The following DNAAF3 variants were observed in gnomAD, a reference collection of about 807,000 sequenced individuals.
DNAAF3 encodes the protein dynein axonemal assembly factor 3.
DNAAF3 carries 40 observed loss-of-function variants against 50.9 expected under a neutral mutation model. That is an observed-to-expected ratio of 0.79 (90% CI 0.61 to 1.02). DNAAF3 has a LOEUF of 1.02. Among genes scored for constraint, DNAAF3 ranks in the 50% least tolerant of loss-of-function variants. DNAAF3 has a pLI of 0.00. For missense variants in DNAAF3, 763 were observed against 744.7 expected, an observed-to-expected ratio of 1.02 and a Z score of -0.29; for synonymous variants, 327 against 322.8, an observed-to-expected ratio of 1.01 and a Z score of -0.14.
chr19:55,159,985 G>A lies in DNAAF3; in HGVS notation c.1077C>T (p.Val359=). 1 of 1,613,356 alleles carries A rather than the reference G, an allele frequency of 6.2e-7. No homozygotes were observed. Among genetic ancestry groups the A allele is most frequent in the Non-Finnish European group, 8.5e-7 (1 of 1,179,756 alleles). ...PAAPTPESFT[V]HFLPLNSAQT... Reference sequence around the variant, plus strand: ...GAGCAGAATTGAGCGGCAGGAAGTGGACGGTGAAAGATTCCGGGGTCGGGG... The same window carrying A: ...GAGCAGAATTGAGCGGCAGGAAGTGAACGGTGAAAGATTCCGGGGTCGGGG... The change falls in exon 10 of 12, where the codon GTC becomes GTT. Residue 359 remains valine (V), a synonymous_variant. Coordinates refer to ENST00000524407, the MANE Select transcript of DNAAF3 (RefSeq NM_001256715.2).
Position 55,160,773 on chromosome 19 carries a change from C to G in DNAAF3, c.915G>C (p.Thr305=). The change falls in exon 9 of 12, where the codon ACG becomes ACC. Residue 305 remains threonine (T), a splice_region_variant and synonymous_variant. Transcript: ENST00000524407. This position sits in a 1 kb window ranked among gnomAD's most constrained non-coding sequence, Gnocchi z 4.7. The stretch of plus-strand genomic sequence containing the variant: ...CGTTGTGTTGAGTGATCTCCCCGGC[C>G]GTCTAACAGTAGAAGGGGCGTGGCC... ...LRTSNGQPVK[T]AGEITQHNVT... 6.2e-7 allele frequency: 1 copy of G among 1,609,476 alleles called. No homozygotes were observed. Among genetic ancestry groups the G allele is most frequent in the Non-Finnish European group, 8.5e-7 (1 of 1,179,342 alleles).
At chr19:55,165,558 C>A in intron 3 of DNAAF3, 95 bp from the exon 4 acceptor site, 2 of 1,232,640 alleles carry the variant, frequency 1.6e-6, no homozygotes, top group Non-Finnish European at 2.3e-6. Context: ...TCCTTCCACA[C>A]ACCCGAGTTC....
rs1368963614 is a variant in DNAAF3 at position 55,165,428 on chromosome 19, G to A, written c.264C>T (p.Ala88=). The A allele has an allele frequency of 8.7e-6, 14 of 1,614,036 alleles. No homozygotes were observed. The highest frequency in any genetic ancestry group is 1.1e-5 in the Non-Finnish European group (13 of 1,179,996). Residue 88 remains alanine, a synonymous_variant, in exon 4 of 12, where the codon GCC becomes GCT. Transcript: ENST00000524407. ...FVLENNLEAV[A]RHMLIFSLAL... The stretch of plus-strand genomic sequence containing the variant: ...CTAGGCTGAAGATCAGCATGTGTCG[G>A]GCCACAGCTTCCAGATTATTCTCCA...
Position 55,161,595 on chromosome 19 carries a change from C to G in DNAAF3, c.663+48G>C. 6.7e-7 allele frequency: 1 copy of G among 1,502,342 alleles called. No individual in the cohort carries two copies. The highest frequency in any genetic ancestry group is 8.9e-7 in the Non-Finnish European group (1 of 1,126,958). The allele number at this position is 1,502,342 out of a possible 1,614,324, so 93.1% of individuals were successfully genotyped here. On this transcript the variant is annotated intron_variant, in intron 6 of 11. Coordinates refer to ENST00000524407, the MANE Select transcript of DNAAF3 (RefSeq NM_001256715.2). The surrounding 1 kb of genome is among the most constrained non-coding windows in gnomAD (Gnocchi z 6.4). Reference sequence around the variant, plus strand: ...TCAGGAGGCCCCCAGCCCCTCCTCCCTCAGACCCAGGGGTCCAGGCCCCCA... The same window carrying G: ...TCAGGAGGCCCCCAGCCCCTCCTCCGTCAGACCCAGGGGTCCAGGCCCCCA...
chr19:55,162,830 G>C, intron 4 of DNAAF3: 6 of 328,532 alleles, frequency 1.8e-5, no homozygotes, highest in Non-Finnish European at 2.2e-5. Context: ...TTTTGAGACA[G>C]TGTCTCACTC....
intron 4 of DNAAF3, among the ~76,000 whole-genome samples, chr19:55,164,770 A>G (rs1005806316): frequency 1.3e-5 from 2 of 151,892 alleles, no homozygotes; most frequent in Non-Finnish European, 2.9e-5. Context: ...TGATCTGCCC[A>G]CCTCAGCCTC....
chr19:55,159,781 GC>G (rs2085786711), intron 10 of DNAAF3, 117 bp downstream of exon 10: 1 of 971,228 alleles, frequency 1.0e-6, no homozygotes, highest in African/African-American at 7.9e-5. Context: ...GGGGCTGGGG[GC>G]CTGGACCCCT....
Position 55,165,439 on chromosome 19 carries a change from C to T in DNAAF3, c.253G>A (p.Glu85Lys). 1 of 1,614,066 alleles carries T rather than the reference C, an allele frequency of 6.2e-7. No individual in the cohort carries two copies. The highest frequency in any genetic ancestry group is 2.2e-5 in the East Asian group (1 of 44,872). ...FNFFVLENNLEAVARHMLIFS... is the reference protein window; with the variant it reads ...FNFFVLENNLKAVARHMLIFS... Reference sequence around the variant, plus strand: ...ATCAGCATGTGTCGGGCCACAGCTTCCAGATTATTCTCCAGCACAAAGAAC... The same window carrying T: ...ATCAGCATGTGTCGGGCCACAGCTTTCAGATTATTCTCCAGCACAAAGAAC... The change falls in exon 4 of 12, where the codon GAA becomes AAA. Residue 85 changes from glutamate to lysine, a missense_variant. Coordinates refer to ENST00000524407, the MANE Select transcript of DNAAF3 (RefSeq NM_001256715.2).
rs1052033577 is a variant in DNAAF3 at position 55,166,266 on chromosome 19, A to G, written c.85+63T>C. On this transcript the variant is annotated intron_variant, in intron 2 of 11. Transcript: ENST00000524407. This position sits in a 1 kb window ranked among gnomAD's most constrained non-coding sequence, Gnocchi z 4.0. ...ACCGACGCTGGGACTACGAGCTCTA[A>G]AAGGCCGTCTGCTCAGGCTGGGAAG... 13 of 1,585,860 alleles carry G rather than the reference A, an allele frequency of 8.2e-6. No homozygotes were observed. The highest frequency in any genetic ancestry group is 1.8e-5 in the Admixed American group (1 of 55,092).
intron 4 of DNAAF3, 127 bp from the exon 5 acceptor site, chr19:55,162,417 C>T (rs1441129783): frequency 9.2e-7 from 1 of 1,089,644 alleles, no homozygotes; most frequent in Admixed American, 4.3e-5. Context: ...CCCCACGCAT[C>T]CCAAAAACTA....
chr19:55,166,291 G>A lies in DNAAF3; in HGVS notation c.85+38C>T. 6 of 1,605,608 alleles carry A rather than the reference G, an allele frequency of 3.7e-6. No homozygotes were observed. The highest frequency in any genetic ancestry group is 5.1e-6 in the Non-Finnish European group (6 of 1,175,116). ...AAAGGCCGTCTGCTCAGGCTGGGAA[G>A]GCAGACGGTGTATCAGACCTTGCGT... is the stretch of plus-strand genomic sequence containing the variant. On this transcript the variant is annotated intron_variant, in intron 2 of 11. Coordinates refer to ENST00000524407, the MANE Select transcript of DNAAF3 (RefSeq NM_001256715.2). The surrounding 1 kb of genome is among the most constrained non-coding windows in gnomAD (Gnocchi z 4.0).
At chr19:55,165,823 C>A in intron 3 of DNAAF3, 35 bp downstream of exon 3, 1 of 1,606,242 alleles carries the variant, frequency 6.2e-7, no homozygotes, top group Non-Finnish European at 8.5e-7. Flanking sequence ...CTCAAGGACT[C>A]GGGAATCTGG....
In DNAAF3 at chr19:55,160,972, A is replaced by G. The variant is rs1372678890; in HGVS notation, c.912+93T>C. ...CCACCAAGCGACGGGCGGGGTCTGGAGCTGGGGGCGGGGCCTGCTGTGGGG... is the reference window on the plus strand; with the variant it reads ...CCACCAAGCGACGGGCGGGGTCTGGGGCTGGGGGCGGGGCCTGCTGTGGGG... On this transcript the variant is annotated intron_variant, in intron 8 of 11. Transcript: ENST00000524407. The surrounding 1 kb of genome is among the most constrained non-coding windows in gnomAD (Gnocchi z 4.7). 4 of 1,461,986 alleles carry G rather than the reference A, an allele frequency of 2.7e-6. No individual in the cohort carries two copies. Among genetic ancestry groups the G allele is most frequent in the African/African-American group, 1.4e-5 (1 of 70,052 alleles). 90.6% of individuals were successfully genotyped at this position (1,461,986 alleles called of 1,614,324 possible). A position where few individuals can be genotyped will look rare whatever the true frequency, so the allele number is the denominator to read the frequency against.
In DNAAF3 at chr19:55,166,257, C is replaced by T. The variant is rs925026682; in HGVS notation, c.85+72G>A. On this transcript the variant is annotated intron_variant, in intron 2 of 11. Transcript: ENST00000524407. This position sits in a 1 kb window ranked among gnomAD's most constrained non-coding sequence, Gnocchi z 4.0. ...CCCCTTGCCACCGACGCTGGGACTA[C>T]GAGCTCTAAAAGGCCGTCTGCTCAG... is the stretch of plus-strand genomic sequence containing the variant. The T allele has an allele frequency of 6.4e-6, 10 of 1,573,520 alleles. No individual in the cohort carries two copies. The highest frequency in any genetic ancestry group is 8.6e-6 in the Non-Finnish European group (10 of 1,159,758).
chr19:55,166,654 A>C (rs765799052), upstream of DNAAF3: 2 of 1,612,038 alleles, frequency 1.2e-6, no homozygotes, highest in African/African-American at 2.7e-5. This position sits in a 1 kb window ranked among gnomAD's most constrained non-coding sequence, Gnocchi z 4.0. Flanking sequence ...AGCATGTGGG[A>C]TGGGACCACA....
Position 55,159,891 on chromosome 19 carries a change from C to T in DNAAF3, c.1163+8G>A, listed in dbSNP as rs772585706. Reference sequence around the variant, plus strand: ...GGTCTTTGTGAGCACAGCTGCCTCCCCGCTTACCCACAGGCCACATAGAGG... The same window carrying T: ...GGTCTTTGTGAGCACAGCTGCCTCCTCGCTTACCCACAGGCCACATAGAGG... On this transcript the variant is annotated splice_region_variant and intron_variant, in intron 10 of 11. Coordinates refer to ENST00000524407, the MANE Select transcript of DNAAF3 (RefSeq NM_001256715.2). The T allele has an allele frequency of 6.8e-6, 11 of 1,613,304 alleles. No homozygotes were observed. Among genetic ancestry groups the T allele is most frequent in the Non-Finnish European group, 9.3e-6 (11 of 1,179,510 alleles).
rs2085775138 is a variant in DNAAF3, at chr19:55,159,350, C to A, written c.1338G>T (p.Arg446Ser). ...AAGFAPQTGA[R>S]PSETFARFCK... ...AGAAACGTGCGAAGGTCTCTGAAGG[C>A]CTGGCCCCGGTCTGTGGAGCAAATC... Residue 446 changes from arginine (R) to serine (S), a missense_variant, in exon 12 of 12, where the codon AGG becomes AGT. Coordinates refer to ENST00000524407, the MANE Select transcript of DNAAF3 (RefSeq NM_001256715.2). 8 of 1,614,180 alleles carry A rather than the reference C, an allele frequency of 5.0e-6. No individual in the cohort carries two copies. The highest frequency in any genetic ancestry group is 1.7e-5 in the Admixed American group (1 of 60,034).
chr19:55,161,597 C>A lies in DNAAF3; in HGVS notation c.663+46G>T, dbSNP rs1327552771. ...AGGAGGCCCCCAGCCCCTCCTCCCT[C>A]AGACCCAGGGGTCCAGGCCCCCAGC... On this transcript the variant is annotated intron_variant, in intron 6 of 11. Transcript: ENST00000524407. The surrounding 1 kb of genome is among the most constrained non-coding windows in gnomAD (Gnocchi z 6.4). 1.3e-6 allele frequency: 2 copies of A among 1,502,718 alleles called. No individual in the cohort carries two copies. The allele number at this position is 1,502,718 out of a possible 1,614,324, so 93.1% of individuals were successfully genotyped here.
At position 55,160,897 on chromosome 19, in the gene DNAAF3, G is replaced by T. The variant is rs1568863985; in HGVS notation, c.913-122C>A. 17 of 1,465,642 alleles carry T rather than the reference G, an allele frequency of 1.2e-5. No individual in the cohort carries two copies. The highest frequency in any genetic ancestry group is 1.5e-5 in the Non-Finnish European group (17 of 1,111,804). The allele number at this position is 1,465,642 out of a possible 1,614,324, so 90.8% of individuals were successfully genotyped here. On this transcript the variant is annotated intron_variant, in intron 8 of 11. Coordinates refer to ENST00000524407, the MANE Select transcript of DNAAF3 (RefSeq NM_001256715.2). The surrounding 1 kb of genome is among the most constrained non-coding windows in gnomAD (Gnocchi z 4.7). ...AGCTGCTTGGAGGATGTGAAGTGGGGCGGGACCTATCCCGCGGGGATGGGG... is the reference window on the plus strand; with the variant it reads ...AGCTGCTTGGAGGATGTGAAGTGGGTCGGGACCTATCCCGCGGGGATGGGG...
Sources: gnomAD v4.1 joint callset for allele counts (sites outside exome capture counted in the v4.1 genomes callset) on GRCh38, gnomAD v4.1.1 for gene constraint, Gnocchi (gnomAD v3.1) non-coding constraint, MANE v1.5 for transcripts, NCBI Gene and HGNC (gene_info 2026-07-23, HGNC 2026-07-21) for gene names.